The following HOMER1 variants were observed in gnomAD, a reference collection of about 807,000 sequenced individuals.
HOMER1 encodes the protein homer scaffold protein 1, also known as homer protein homolog 1.
HOMER1 carries 3 observed loss-of-function variants against 48.9 expected under a neutral mutation model. The observed-to-expected ratio is 0.06, with a 90% CI of 0.03 to 0.16. The LOEUF (loss-of-function observed/expected upper bound fraction) is 0.16. Ranked by LOEUF, HOMER1 falls within the 10% of genes least tolerant of loss-of-function variation. The pLI is 1.00. For synonymous variants in HOMER1, 134 were observed against 146.4 expected, an observed-to-expected ratio of 0.92 and a Z score of 0.61; for missense variants, 247 against 411.4, an observed-to-expected ratio of 0.60 and a Z score of 3.46.
chr5:79,440,054 A>G (rs534645916), intron 4 of HOMER1, among the ~76,000 whole-genome samples: 44 of 152,232 alleles, frequency 2.9e-4, no homozygotes, highest in Non-Finnish European at 5.4e-4. Flanking sequence ...AAATGTTACA[A>G]TTGAAATATC....
chr5:79,463,654 T>A (rs1751378830), intron 1 of HOMER1, among the ~76,000 whole-genome samples: 1 of 152,228 alleles, frequency 6.6e-6, no homozygotes, highest in South Asian at 2.1e-4. Flanking sequence ...GCCCCCCCAA[T>A]ACTGTAATTG....
At position 79,512,981 on chromosome 5, in the gene HOMER1, G is replaced by A. The variant is rs1752982920; in HGVS notation, c.-207C>T. ...TTGTAAATACCAAAACGTTCAAACA[G>A]AGGCGGCATTTGCTTATTCGAGTTA... On this transcript the variant is annotated 5_prime_UTR_variant, in exon 1 of 9. Coordinates refer to ENST00000334082, the MANE Select transcript of HOMER1 (RefSeq NM_004272.5). The A allele has an allele frequency of 3.4e-6, 2 of 584,630 alleles. No homozygotes were observed. Among genetic ancestry groups the A allele is most frequent in the Non-Finnish European group, 3.0e-6 (1 of 328,860 alleles). 36.2% of individuals were successfully genotyped at this position (584,630 alleles called of 1,614,324 possible). A position where few individuals can be genotyped will look rare whatever the true frequency, so the allele number is the denominator to read the frequency against.
At chr5:79,395,899 T>C (rs1021072158) in intron 8 of HOMER1, among the ~76,000 whole-genome samples, 1 of 152,208 alleles carries the variant, frequency 6.6e-6, no homozygotes, top group African/African-American at 2.4e-5. Flanking sequence ...ACTCAATAAA[T>C]GTTGGCTGTT....
chr5:79,429,126 C>T (rs1292380174), intron 5 of HOMER1, among the ~76,000 whole-genome samples: 2 of 152,112 alleles, frequency 1.3e-5, no homozygotes, highest in East Asian at 1.9e-4. Context: ...GAAGCCAAGG[C>T]GGGAGGATCA....
chr5:79,490,792 A>AAAAAAAAAAAAAC (rs148573552), intron 1 of HOMER1, among the ~76,000 whole-genome samples: 1 of 145,906 alleles, frequency 6.9e-6, no homozygotes, highest in African/African-American at 2.6e-5. Context: ...AAAAAAAAAA[A>AAAAAAAAAAAAAC]CCATAAAAAA....
Position 79,388,172 on chromosome 5 carries a change from C to T in HOMER1, c.876+8651G>A, listed in dbSNP as rs138351434. On this transcript the variant is annotated intron_variant, in intron 8 of 8. Transcript: ENST00000334082. ...TAAGAAAGGAACTTAACAGTATAAACGAAACTTGAGGAGGTAGTCTTAGAA... is the reference window on the plus strand; with the variant it reads ...TAAGAAAGGAACTTAACAGTATAAATGAAACTTGAGGAGGTAGTCTTAGAA... Among the ~76,000 whole-genome samples, 340 of 151,950 alleles carry T rather than the reference C, an allele frequency of 2.2e-3. 1 individual carries two copies. The highest frequency in any genetic ancestry group is 7.8e-3 in the African/African-American group (323 of 41,410).
rs1748674093 is a variant in HOMER1 at position 79,372,996 on chromosome 5, G to A, written c.*3013C>T. The A allele has an allele frequency of 6.6e-6, 1 of 152,068 alleles. No individual in the cohort carries two copies. Among genetic ancestry groups the A allele is most frequent in the South Asian group, 2.1e-4 (1 of 4,828 alleles). 9.4% of individuals were successfully genotyped at this position (152,068 alleles called of 1,614,324 possible). A position where few individuals can be genotyped will look rare whatever the true frequency, so the allele number is the denominator to read the frequency against. On this transcript the variant is annotated 3_prime_UTR_variant, in exon 9 of 9. Coordinates refer to ENST00000334082, the MANE Select transcript of HOMER1 (RefSeq NM_004272.5). Reference sequence around the variant, plus strand: ...TGCTGGAGATCTTCTATAGAGACAAGGAGAGATGCAACTTCGTGAGCATGT... The same window carrying A: ...TGCTGGAGATCTTCTATAGAGACAAAGAGAGATGCAACTTCGTGAGCATGT...
At chr5:79,421,892 C>G (rs1400844440) in intron 5 of HOMER1, among the ~76,000 whole-genome samples, 1 of 152,064 alleles carries the variant, frequency 6.6e-6, no homozygotes, top group East Asian at 1.9e-4. Flanking sequence ...CAGGCATGAA[C>G]CATCGGGCCT....
chr5:79,500,392 A>T (rs1752544101), intron 1 of HOMER1, among the ~76,000 whole-genome samples: 1 of 152,208 alleles, frequency 6.6e-6, no homozygotes, highest in South Asian at 2.1e-4. Flanking sequence ...AAAAATGTCC[A>T]GATAACAGGA....
chr5:79,481,506 C>G (rs1246041682), intron 1 of HOMER1, among the ~76,000 whole-genome samples: 2 of 152,192 alleles, frequency 1.3e-5, no homozygotes, highest in Non-Finnish European at 1.5e-5. Flanking sequence ...GGTAAGGCAG[C>G]TAGAATTTGC....
intron 5 of HOMER1, among the ~76,000 whole-genome samples, chr5:79,409,248 C>T (rs533088952): frequency 1.3e-4 from 20 of 151,734 alleles, no homozygotes; most frequent in Middle Eastern, 6.8e-3. Context: ...GCCTGGTCAA[C>T]ATGGTGAAAC....
Position 79,374,116 on chromosome 5 carries a change from G to A in HOMER1, c.*1893C>T, listed in dbSNP as rs983302857. 4 of 152,188 alleles carry A rather than the reference G, an allele frequency of 2.6e-5. No homozygotes were observed. The highest frequency in any genetic ancestry group is 9.7e-5 in the African/African-American group (4 of 41,354). 9.4% of individuals were successfully genotyped at this position (152,188 alleles called of 1,614,324 possible). ...TTTAAATTAAAACTTGGTGCTCTTT[G>A]TTACTCAGAAACTGATGGATAAAAA... On this transcript the variant is annotated 3_prime_UTR_variant, in exon 9 of 9. Transcript: ENST00000334082.
chr5:79,377,784 T>G (rs1365665377), intron 8 of HOMER1, among the ~76,000 whole-genome samples: 4 of 152,064 alleles, frequency 2.6e-5, no homozygotes, highest in Non-Finnish European at 4.4e-5. Flanking sequence ...GGACAAACAC[T>G]AGGAATTAAT....
chr5:79,497,697 GT>G (rs1752467300), intron 1 of HOMER1, among the ~76,000 whole-genome samples: 2 of 146,854 alleles, frequency 1.4e-5, no homozygotes, highest in Admixed American at 1.4e-4. Context: ...GCTTAATCAA[GT>G]TTTCCTCCCT....
intron 1 of HOMER1, among the ~76,000 whole-genome samples, chr5:79,503,093 T>A (rs2112377094): frequency 6.6e-6 from 1 of 152,198 alleles, no homozygotes; most frequent in East Asian, 1.9e-4. Context: ...AGCCTGCATG[T>A]AACTTTTAAC....
At position 79,377,365 on chromosome 5, in the gene HOMER1, T is replaced by TA. The variant is rs1272930991; in HGVS notation, c.877-1169dup. 3.3e-5 allele frequency among the ~76,000 whole-genome samples: 5 copies of TA among 152,248 alleles called. No homozygotes were observed. In the East Asian group the frequency reaches 7.7e-4, roughly 24 times the overall value. On this transcript the variant is annotated intron_variant, in intron 8 of 8. Coordinates refer to ENST00000334082, the MANE Select transcript of HOMER1 (RefSeq NM_004272.5). ...ATCAAGCTAATGATTTCATTTTGGT[T>TA]AAAAAAATCAGATTGAGAAAAATGG...
At chr5:79,425,065 G>C (rs1265971543) in intron 5 of HOMER1, among the ~76,000 whole-genome samples, 1 of 151,878 alleles carries the variant, frequency 6.6e-6, no homozygotes, top group Admixed American at 6.6e-5. Context: ...TGATGATTGG[G>C]TCTTTTTAAA....
intron 4 of HOMER1, among the ~76,000 whole-genome samples, chr5:79,442,556 A>G (rs951102197): frequency 1.3e-5 from 2 of 152,240 alleles, no homozygotes; most frequent in African/African-American, 4.8e-5. Context: ...CCACTATACC[A>G]AATACCACTA....
chr5:79,404,316 T>C (rs1022599683), intron 5 of HOMER1, among the ~76,000 whole-genome samples: 1 of 152,226 alleles, frequency 6.6e-6, no homozygotes, highest in African/African-American at 2.4e-5. Context: ...TTTTCTATTA[T>C]ATTTATGTGG....
Sources: allele counts gnomAD v4.1 joint callset (sites outside exome capture counted in the v4.1 genomes callset), GRCh38; gene constraint gnomAD v4.1.1; transcripts MANE v1.5; gene names NCBI Gene and HGNC (gene_info 2026-07-23, HGNC 2026-07-21).